ASNS: variants seen among roughly 807,000 people sequenced by gnomAD.
ASNS encodes asparagine synthetase (glutamine-hydrolyzing), also known as asparagine synthetase [glutamine-hydrolyzing].
ASNS carries 37 observed loss-of-function variants against 62.6 expected under a neutral mutation model. The observed-to-expected ratio is 0.59, with a 90% CI of 0.45 to 0.78. The LOEUF (loss-of-function observed/expected upper bound fraction) is 0.78, where lower values mean the gene tolerates loss of function less well. Among genes scored for constraint, ASNS ranks in the 30% least tolerant of loss-of-function variants. The pLI is 0.00. For missense variants in ASNS, 520 were observed against 682.4 expected (o/e 0.76, Z 2.65); for synonymous variants, 207 against 237.9 (o/e 0.87, Z 1.19).
the ASNS span, among the ~76,000 whole-genome samples, chr7:97,917,066 C>T: frequency 2.0e-5 from 3 of 152,090 alleles, no homozygotes; most frequent in African/African-American, 4.8e-5. Flanking sequence ...CACATGGGAA[C>T]TCATAAATGC....
In ASNS at chr7:97,854,501, C is replaced by T. The variant is rs541674477; in HGVS notation, c.1238+79G>A. The T allele has an allele frequency of 2.6e-6, 4 of 1,532,864 alleles. No homozygotes were observed. The South Asian group carries it at 4.9e-5, about 19-fold the overall frequency. 95.0% of individuals were successfully genotyped at this position (1,532,864 alleles called of 1,614,324 possible). ...AATCAGCTATTGATTTTTATTTTCT[C>T]AGGGTATTGAGCTTTTTGTTTTGTT... On this transcript the variant is annotated intron_variant, in intron 10 of 12. Coordinates refer to ENST00000394308, the MANE Select transcript of ASNS (RefSeq NM_001673.5).
At chr7:97,922,021 G>A in the ASNS span, among the ~76,000 whole-genome samples, 1,319 of 152,272 alleles carry the variant, frequency 8.7e-3, 8 homozygotes, top group Non-Finnish European at 0.012. Flanking sequence ...AAATAAGCCA[G>A]GCACAAAACG....
At chr7:97,915,792 C>A in the ASNS span, among the ~76,000 whole-genome samples, 2 of 152,070 alleles carry the variant, frequency 1.3e-5, no homozygotes, top group Non-Finnish European at 2.9e-5. Context: ...CTGAAAGAGG[C>A]CAGAGAGAAC....
chr7:97,905,965 C>G, the ASNS span, among the ~76,000 whole-genome samples: 1 of 152,232 alleles, frequency 6.6e-6, no homozygotes, highest in Non-Finnish European at 1.5e-5. Context: ...ATCAATCCCT[C>G]TGATGCAGAT....
At chr7:97,894,636 A>C in the ASNS span, among the ~76,000 whole-genome samples, 1 of 152,144 alleles carries the variant, frequency 6.6e-6, no homozygotes, top group Non-Finnish European at 1.5e-5. Flanking sequence ...GAAAGGGATA[A>C]ATTCCCAGAC....
rs2115709122 is a variant in ASNS at position 97,864,367 on chromosome 7, C to G, written c.379G>C (p.Asp127His). The G allele has an allele frequency of 6.2e-7, 1 of 1,613,890 alleles. No homozygotes were observed. The highest frequency in any genetic ancestry group is 2.2e-5 in the East Asian group (1 of 44,814). ...LDGVFAFVLLDTANKKVFLGR... is the reference protein window; with the variant it reads ...LDGVFAFVLLHTANKKVFLGR... Reference sequence around the variant, plus strand: ...AGGAACACTTTCTTATTGGCAGTATCCAGTAAAACAAATGCAAACACACCA... The same window carrying G: ...AGGAACACTTTCTTATTGGCAGTATGCAGTAAAACAAATGCAAACACACCA... Residue 127 changes from aspartate to histidine, a missense_variant, in exon 4 of 13, where the codon GAT becomes CAT. Asp to His is a moderately conservative substitution (Grantham distance 81, BLOSUM62 -1). Coordinates refer to ENST00000394308, the MANE Select transcript of ASNS (RefSeq NM_001673.5).
chr7:97,864,687 A>G lies in ASNS; in HGVS notation c.250-191T>C, dbSNP rs1205775316. ...ATTCTGCAAATTCTGTTCAACATAA[A>G]GCCGAACCCATGAAAATTTTAGTTG... On this transcript the variant is annotated intron_variant, in intron 3 of 12. Coordinates refer to ENST00000394308, the MANE Select transcript of ASNS (RefSeq NM_001673.5). Among the ~76,000 whole-genome samples, 3 of 152,216 alleles carry G rather than the reference A, an allele frequency of 2.0e-5. No individual in the cohort carries two copies. In the East Asian group the frequency reaches 5.8e-4, roughly 29 times the overall value.
At chr7:97,872,584 T>G (rs1584481905), upstream of ASNS, 1 of 152,274 alleles carries the variant, frequency 6.6e-6, no homozygotes, top group East Asian at 1.9e-4. Flanking sequence ...CTCTTTTGTT[T>G]CCAGCGCCTT....
chr7:97,915,003 G>A, the ASNS span, among the ~76,000 whole-genome samples: 1 of 152,200 alleles, frequency 6.6e-6, no homozygotes, highest in Non-Finnish European at 1.5e-5. Flanking sequence ...GAAGAGCGGG[G>A]GGCATGGCAG....
At chr7:97,901,980 G>GA in the ASNS span, among the ~76,000 whole-genome samples, 48 of 147,548 alleles carry the variant, frequency 3.3e-4, no homozygotes, top group East Asian at 1.6e-3. Context: ...TGTCTCAAAA[G>GA]AAAAAAAAAA....
upstream of ASNS, among the ~76,000 whole-genome samples, chr7:97,874,443 T>G (rs572019451): frequency 6.6e-6 from 1 of 152,334 alleles, no homozygotes; most frequent in East Asian, 1.9e-4. Flanking sequence ...CTGACAGGAT[T>G]AAGAGATTAA....
chr7:97,925,008 G>A, the ASNS span, among the ~76,000 whole-genome samples: 2 of 152,094 alleles, frequency 1.3e-5, no homozygotes, highest in Non-Finnish European at 2.9e-5. Flanking sequence ...GTGGTGGTGG[G>A]CACCTGTAAT....
upstream of ASNS, among the ~76,000 whole-genome samples, chr7:97,875,169 A>G (rs1792411927): frequency 6.6e-6 from 1 of 152,192 alleles, no homozygotes; most frequent in Non-Finnish European, 1.5e-5. Flanking sequence ...TTTTTGAGAC[A>G]GGGTCTCACT....
upstream of ASNS, among the ~76,000 whole-genome samples, chr7:97,877,469 TTA>T (rs1419632014): frequency 1.3e-5 from 2 of 152,188 alleles, no homozygotes; most frequent in Admixed American, 6.5e-5. Flanking sequence ...CATCCAGTTA[TTA>T]TCTGTTTCCA....
the ASNS span, among the ~76,000 whole-genome samples, chr7:97,918,830 G>C: frequency 6.6e-6 from 1 of 152,072 alleles, no homozygotes; most frequent in African/African-American, 2.4e-5. Flanking sequence ...TAATGCATGC[G>C]GGGCTTAAAA....
At chr7:97,904,284 TCACACA>T in the ASNS span, among the ~76,000 whole-genome samples, 3 of 135,132 alleles carry the variant, frequency 2.2e-5, no homozygotes, top group Non-Finnish European at 4.8e-5. Context: ...ACTACCAGTT[TCACACA>T]CACACACACA....
At chr7:97,926,910 C>G in the ASNS span, among the ~76,000 whole-genome samples, 3 of 151,518 alleles carry the variant, frequency 2.0e-5, no homozygotes, top group Non-Finnish European at 4.4e-5. Context: ...CTGTCTGTCT[C>G]TCTCTCTCTC....
At chr7:97,892,673 C>G in the ASNS span, among the ~76,000 whole-genome samples, 2 of 152,086 alleles carry the variant, frequency 1.3e-5, no homozygotes, top group East Asian at 1.9e-4. Flanking sequence ...CAAATCTCTA[C>G]AGCAGGGGCA....
chr7:97,856,394 G>T (rs1745805547), intron 8 of ASNS, among the ~76,000 whole-genome samples: 1 of 152,160 alleles, frequency 6.6e-6, no homozygotes, highest in African/African-American at 2.4e-5. Context: ...TGTAGCCCAA[G>T]AAACTATAAG....
Sources: allele counts gnomAD v4.1 joint callset (sites outside exome capture counted in the v4.1 genomes callset), GRCh38; gene constraint gnomAD v4.1.1; transcripts MANE v1.5; gene names NCBI Gene and HGNC (gene_info 2026-07-23, HGNC 2026-07-21).